DYNC1I1: variants seen among roughly 807,000 people sequenced by gnomAD.
DYNC1I1 encodes dynein cytoplasmic 1 intermediate chain 1.
A neutral mutation model predicts 86.6 loss-of-function variants in DYNC1I1; 43 were observed. The observed-to-expected ratio is 0.50, with a 90% CI of 0.39 to 0.64. The LOEUF is 0.64. DYNC1I1 is among the 30% of genes least tolerant of loss of function. DYNC1I1 has a pLI of 0.00. For synonymous variants in DYNC1I1, 262 were observed against 283.7 expected (o/e 0.92, Z 0.77); for missense variants, 604 against 788.8 (o/e 0.77, Z 2.81).
chr7:95,986,912 T>C (rs1793609477), intron 8 of DYNC1I1, 144 bp from the exon 9 acceptor site: 2 of 685,388 alleles, frequency 2.9e-6, no homozygotes, highest in East Asian at 5.1e-5. Flanking sequence ...TTTAGTTCAT[T>C]AATTTTGATC....
At chr7:95,949,385 C>G (rs560969737) in intron 6 of DYNC1I1, among the ~76,000 whole-genome samples, 2 of 152,324 alleles carry the variant, frequency 1.3e-5, no homozygotes, top group South Asian at 4.1e-4. Context: ...CAGGGCCAGT[C>G]AGGAGTGGGT....
intron 6 of DYNC1I1, among the ~76,000 whole-genome samples, chr7:95,942,655 A>G (rs1002980315): frequency 1.3e-5 from 2 of 151,384 alleles, no homozygotes; most frequent in Non-Finnish European, 2.9e-5. Flanking sequence ...CCAGCAGCAC[A>G]TCAAAAAGCT....
chr7:95,810,371 C>G (rs764900772), intron 2 of DYNC1I1, 21 bp from the exon 3 acceptor site: 2 of 1,575,414 alleles, frequency 1.3e-6, no homozygotes, highest in Non-Finnish European at 1.7e-6. Context: ...ATTAACTTTT[C>G]TTACTGACGT....
At chr7:96,099,345 G>C (rs1029898434), downstream of DYNC1I1, among the ~76,000 whole-genome samples, 1 of 152,184 alleles carries the variant, frequency 6.6e-6, no homozygotes, top group Non-Finnish European at 1.5e-5. Context: ...GTTGAATCCA[G>C]GCTGACGTTA....
intron 10 of DYNC1I1, among the ~76,000 whole-genome samples, chr7:96,026,087 A>C (rs1282765343): frequency 6.6e-6 from 1 of 152,190 alleles, no homozygotes; most frequent in Non-Finnish European, 1.5e-5. Flanking sequence ...TGGGATGTGT[A>C]AAACAAGAAG....
chr7:95,866,830 AGT>A (rs1790029001), intron 5 of DYNC1I1, among the ~76,000 whole-genome samples: 1 of 152,238 alleles, frequency 6.6e-6, no homozygotes, highest in South Asian at 2.1e-4. Context: ...CAAGCTTATC[AGT>A]GTGTCAGATG....
At position 95,948,172 on chromosome 7, in the gene DYNC1I1, C is replaced by T. The variant is rs750230993; in HGVS notation, c.491-29340C>T. Among the ~76,000 whole-genome samples the T allele has an allele frequency of 3.3e-5, 5 of 152,100 alleles. No homozygotes were observed. The East Asian group carries it at 5.8e-4, about 18-fold the overall frequency. Reference sequence around the variant, plus strand: ...GAGTTCCTCAGAAGTGTTTCGAGGGCGTTGGATGTTTCAAGGCAGTAGTAT... The same window carrying T: ...GAGTTCCTCAGAAGTGTTTCGAGGGTGTTGGATGTTTCAAGGCAGTAGTAT... On this transcript the variant is annotated intron_variant, in intron 6 of 16. Transcript: ENST00000447467.
intron 6 of DYNC1I1, 144 bp from the exon 7 acceptor site, chr7:95,977,368 C>T: frequency 1.7e-6 from 1 of 588,664 alleles, no homozygotes; most frequent in South Asian, 2.9e-5. Flanking sequence ...GAACATTTAT[C>T]TTGGGCATTC....
At chr7:96,087,887 TATTA>T (rs1326859075) in intron 16 of DYNC1I1, among the ~76,000 whole-genome samples, 1 of 152,232 alleles carries the variant, frequency 6.6e-6, no homozygotes, top group East Asian at 1.9e-4. Flanking sequence ...TGAAATAATA[TATTA>T]ATTCATTTGT....
chr7:96,034,038 TACACACACACATGC>T (rs1481650510), intron 12 of DYNC1I1, among the ~76,000 whole-genome samples: 1 of 151,808 alleles, frequency 6.6e-6, no homozygotes, highest in South Asian at 2.1e-4. Context: ...ATTATTATTA[TACACACACACATGC>T]ACACACACAA....
chr7:95,974,639 G>A (rs1004574954), intron 6 of DYNC1I1, among the ~76,000 whole-genome samples: 8 of 152,076 alleles, frequency 5.3e-5, no homozygotes, highest in African/African-American at 1.2e-4. Flanking sequence ...TCTGGCTGGG[G>A]GAATTAACAC....
At chr7:95,798,209 C>T (rs569211062) in intron 1 of DYNC1I1, among the ~76,000 whole-genome samples, 158 of 152,266 alleles carry the variant, frequency 1.0e-3, no homozygotes, top group Non-Finnish European at 1.8e-3. Flanking sequence ...TCCTGAGCAT[C>T]GTCCTACTAT....
chr7:96,067,814 A>G (rs1051716240), intron 14 of DYNC1I1, among the ~76,000 whole-genome samples: 2 of 152,082 alleles, frequency 1.3e-5, no homozygotes, highest in African/African-American at 4.8e-5. Context: ...CATTTTAATG[A>G]TATATTAAAC....
intron 6 of DYNC1I1, among the ~76,000 whole-genome samples, chr7:95,893,895 G>C (rs1216299996): frequency 6.6e-6 from 1 of 152,170 alleles, no homozygotes; most frequent in Admixed American, 6.5e-5. Flanking sequence ...GGAGAATTGG[G>C]TTTGGAATCT....
chr7:96,087,940 G>A (rs1790731243), intron 16 of DYNC1I1, among the ~76,000 whole-genome samples: 1 of 152,110 alleles, frequency 6.6e-6, no homozygotes, highest in Non-Finnish European at 1.5e-5. Context: ...AATATTTTGG[G>A]TAAAATCTAT....
intron 2 of DYNC1I1, among the ~76,000 whole-genome samples, chr7:95,807,255 T>C (rs982723161): frequency 6.6e-6 from 1 of 152,122 alleles, no homozygotes; most frequent in African/African-American, 2.4e-5. Context: ...ATTTTGTGGC[T>C]GAAAGGAATC....
intron 6 of DYNC1I1, among the ~76,000 whole-genome samples, chr7:95,977,201 G>A (rs748130624): frequency 3.9e-5 from 6 of 152,174 alleles, no homozygotes; most frequent in South Asian, 4.1e-4. Context: ...GGCCATCTTC[G>A]AAGAAGCTTC....
At chr7:95,955,357 C>G (rs892969752) in intron 6 of DYNC1I1, among the ~76,000 whole-genome samples, 3 of 152,080 alleles carry the variant, frequency 2.0e-5, no homozygotes, top group African/African-American at 7.2e-5. Context: ...AGATCCCACT[C>G]TGTCACCCAT....
chr7:95,850,781 GATTTTTCTTCTTTCCTTA>G (rs1214434328), intron 5 of DYNC1I1, among the ~76,000 whole-genome samples: 2 of 152,120 alleles, frequency 1.3e-5, no homozygotes, highest in Non-Finnish European at 2.9e-5. Context: ...CCCACCATGT[GATTTTTCTTCTTTCCTTA>G]TTGAGAATGT....
Sources: gnomAD v4.1 joint callset for allele counts (sites outside exome capture counted in the v4.1 genomes callset) on GRCh38, gnomAD v4.1.1 for gene constraint, MANE v1.5 for transcripts, NCBI Gene and HGNC (gene_info 2026-07-23, HGNC 2026-07-21) for gene names.